Variants in DDR2 observed in about 807,000 individuals in gnomAD.
The protein encoded by DDR2 is discoidin domain-containing receptor 2.
A neutral mutation model predicts 94.9 loss-of-function variants in DDR2; 27 were observed. That is an observed-to-expected ratio of 0.28 (90% CI 0.21 to 0.39). The LOEUF is 0.39. Among genes scored for constraint, DDR2 ranks in the 10% least tolerant of loss-of-function variants. The pLI is 1.00. For missense variants in DDR2, 783 were observed against 1,076.0 expected (o/e 0.73, Z 3.81); for synonymous variants, 382 against 377.2 (o/e 1.01, Z -0.15).
intron 3 of DDR2, among the ~76,000 whole-genome samples, chr1:162,727,951 C>T (rs1661778557): frequency 2.7e-5 from 1 of 37,502 alleles, no homozygotes. Flanking sequence ...GACAATCACA[C>T]TATATATATC....
intron 2 of DDR2, among the ~76,000 whole-genome samples, chr1:162,711,478 C>A (rs564905965): frequency 1.3e-5 from 2 of 151,982 alleles, no homozygotes; most frequent in African/African-American, 2.4e-5. Flanking sequence ...TGGGATATAC[C>A]CCTAGTTCTG....
intron 2 of DDR2, among the ~76,000 whole-genome samples, chr1:162,715,566 A>T (rs1661128199): frequency 6.6e-6 from 1 of 152,160 alleles, no homozygotes; most frequent in South Asian, 2.1e-4. Context: ...AGATCAAAGG[A>T]TGATATAGTG....
intron 2 of DDR2, among the ~76,000 whole-genome samples, chr1:162,689,673 T>C (rs567742653): frequency 1.3e-5 from 2 of 151,172 alleles, no homozygotes; most frequent in Admixed American, 6.6e-5. Flanking sequence ...GGTTTTGTCT[T>C]AGGTTAATTT....
In DDR2 at chr1:162,753,118, A is replaced by G. The variant is rs754042880; in HGVS notation, c.106A>G (p.Met36Val). 1.2e-6 allele frequency: 2 copies of G among 1,613,556 alleles called. No homozygotes were observed. The highest frequency in any genetic ancestry group is 1.7e-6 in the Non-Finnish European group (2 of 1,179,750). ...NPAICRYPLGMSGGQIPDEDI... is the reference protein window; with the variant it reads ...NPAICRYPLGVSGGQIPDEDI... ...AGCTATATGCCGCTATCCTCTGGGC[A>G]TGTCAGGAGGCCAGATTCCAGATGA... The change falls in exon 4 of 18, where the codon ATG becomes GTG. Residue 36 changes from methionine to valine, a missense_variant. Met to Val is a conservative substitution (Grantham distance 21, BLOSUM62 1). Coordinates refer to ENST00000367921, the MANE Select transcript of DDR2 (RefSeq NM_006182.4).
intron 2 of DDR2, among the ~76,000 whole-genome samples, chr1:162,671,516 G>A (rs1275357591): frequency 2.0e-5 from 3 of 152,138 alleles, no homozygotes; most frequent in African/African-American, 7.2e-5. Flanking sequence ...CTTCTGGGAG[G>A]CAGTGACTAA....
intron 3 of DDR2, among the ~76,000 whole-genome samples, chr1:162,728,208 T>TTA (rs1208497560): frequency 1.4e-5 from 2 of 144,212 alleles, no homozygotes; most frequent in Non-Finnish European, 3.0e-5. Context: ...AGATATATCT[T>TTA]TATATATATA....
chr1:162,747,543 C>T (rs1704739), intron 3 of DDR2, among the ~76,000 whole-genome samples: 31,858 of 151,570 alleles, frequency 0.21, 4,279 homozygotes, highest in South Asian at 0.46. Context: ...CTGAAAGTGA[C>T]GGGGAGAATG....
In DDR2 at chr1:162,776,378, C is replaced by A. The variant is rs2102200177; in HGVS notation, c.2283+8C>A. ...TGGGAGAGTATCTTGCTGGTAAGTT[C>A]TCAGCATTTTAAAGCCCTGTCTAAC... On this transcript the variant is annotated splice_region_variant and intron_variant, in intron 16 of 17. Transcript: ENST00000367921. The A allele has an allele frequency of 6.2e-7, 1 of 1,613,832 alleles. No homozygotes were observed. Among genetic ancestry groups the A allele is most frequent in the South Asian group, 1.1e-5 (1 of 91,068 alleles).
intron 3 of DDR2, chr1:162,741,510 A>C: frequency 3.7e-6 from 3 of 807,082 alleles, no homozygotes; most frequent in Non-Finnish European, 4.5e-6. Context: ...ACATAGGGTT[A>C]TTGCAAGGGT....
intron 3 of DDR2, among the ~76,000 whole-genome samples, chr1:162,740,860 G>T (rs558703514): frequency 6.6e-6 from 1 of 152,222 alleles, no homozygotes; most frequent in East Asian, 1.9e-4. Context: ...ACACAGCGTT[G>T]GTTTCAGAAG....
chr1:162,727,961 CTA>C (rs71093202), intron 3 of DDR2, among the ~76,000 whole-genome samples: 1 of 120,872 alleles, frequency 8.3e-6, no homozygotes, highest in African/African-American at 3.2e-5. Flanking sequence ...CTATATATAT[CTA>C]TATATATATA....
chr1:162,698,173 A>T (rs1257030063), intron 2 of DDR2, among the ~76,000 whole-genome samples: 1 of 152,220 alleles, frequency 6.6e-6, no homozygotes, highest in Non-Finnish European at 1.5e-5. Flanking sequence ...TGAAGGGAAA[A>T]CAGAGAAGGT....
At chr1:162,649,011 A>G (rs181211313) in intron 1 of DDR2, among the ~76,000 whole-genome samples, 2 of 152,162 alleles carry the variant, frequency 1.3e-5, no homozygotes, top group Admixed American at 1.3e-4. Context: ...ACCTTATCCC[A>G]TAGTGAGGAC....
At chr1:162,677,268 A>T (rs1279174412) in intron 2 of DDR2, among the ~76,000 whole-genome samples, 2 of 152,250 alleles carry the variant, frequency 1.3e-5, no homozygotes, top group East Asian at 3.9e-4. Flanking sequence ...CCAGGGGGCC[A>T]CTTCCAAATG....
intron 2 of DDR2, among the ~76,000 whole-genome samples, chr1:162,675,935 T>A (rs375230478): frequency 1.3e-5 from 2 of 152,152 alleles, no homozygotes; most frequent in African/African-American, 4.8e-5. Flanking sequence ...GTCCTCGGCC[T>A]GGCCTAGCAG....
At position 162,699,383 on chromosome 1, in the gene DDR2, C is replaced by T. The variant is rs540486652; in HGVS notation, c.-27-19654C>T. Among the ~76,000 whole-genome samples the T allele has an allele frequency of 3.3e-5, 5 of 152,334 alleles. No individual in the cohort carries two copies. The East Asian group carries it at 5.8e-4, about 18-fold the overall frequency. On this transcript the variant is annotated intron_variant, in intron 2 of 17. Coordinates refer to ENST00000367921, the MANE Select transcript of DDR2 (RefSeq NM_006182.4). ...AATTCTGCGTAGTCTCTGGACACTT[C>T]TACTTCCAAATATCACCTGTTTAAG...
chr1:162,785,193 G>T lies in DDR2; in HGVS notation c.*4947G>T, dbSNP rs1648100376. The T allele has an allele frequency of 6.6e-6, 1 of 152,216 alleles. No individual in the cohort carries two copies. The highest frequency in any genetic ancestry group is 2.4e-5 in the African/African-American group (1 of 41,546). The allele number at this position is 152,216 out of a possible 1,614,324, so 9.4% of individuals were successfully genotyped here. A position where few individuals can be genotyped will look rare whatever the true frequency, so the allele number is the denominator to read the frequency against. Reference sequence around the variant, plus strand: ...TCATAGCTTGTTGTCTAGAAAACCAGGTAGCAGGATATTCTAGATGCTTCC... The same window carrying T: ...TCATAGCTTGTTGTCTAGAAAACCATGTAGCAGGATATTCTAGATGCTTCC... On this transcript the variant is annotated 3_prime_UTR_variant, in exon 18 of 18. Transcript: ENST00000367921.
chr1:162,746,647 TC>T (rs1215348159), intron 3 of DDR2, among the ~76,000 whole-genome samples: 1 of 152,154 alleles, frequency 6.6e-6, no homozygotes, highest in Non-Finnish European at 1.5e-5. Flanking sequence ...GAGTTTGAGA[TC>T]TGAGAATGGA....
Position 162,786,430 on chromosome 1 carries a change from G to A in DDR2, c.*6184G>A, listed in dbSNP as rs1003782732. On this transcript the variant is annotated 3_prime_UTR_variant, in exon 18 of 18. Coordinates refer to ENST00000367921, the MANE Select transcript of DDR2 (RefSeq NM_006182.4). The stretch of plus-strand genomic sequence containing the variant: ...ATTTCTGCTTAAAACTATCATAGAC[G>A]TTCCAAATAGAATATGTAAAATTTC... The A allele has an allele frequency of 5.3e-5, 8 of 152,168 alleles. No homozygotes were observed. The East Asian group carries it at 1.2e-3, about 22-fold the overall frequency. 9.4% of individuals were successfully genotyped at this position (152,168 alleles called of 1,614,324 possible).
Sources: allele counts gnomAD v4.1 joint callset (sites outside exome capture counted in the v4.1 genomes callset), GRCh38; gene constraint gnomAD v4.1.1; transcripts MANE v1.5; gene names NCBI Gene and HGNC (gene_info 2026-07-23, HGNC 2026-07-21).